Variants in JAKMIP1 observed in about 807,000 individuals in gnomAD.
The protein encoded by JAKMIP1 is janus kinase and microtubule-interacting protein 1.
A neutral mutation model predicts 113.0 loss-of-function variants in JAKMIP1; 33 were observed. The ratio of observed to expected loss-of-function variants is 0.29; its 90% CI spans 0.22 to 0.39. JAKMIP1 has a LOEUF of 0.39. Ranked by LOEUF, JAKMIP1 falls within the 10% of genes least tolerant of loss-of-function variation. The pLI, the probability that JAKMIP1 is intolerant of heterozygous loss-of-function variation, is 1.00. For synonymous variants in JAKMIP1, 480 were observed against 459.9 expected, an observed-to-expected ratio of 1.04 and a Z score of -0.56; for missense variants, 813 against 1,080.5, an observed-to-expected ratio of 0.75 and a Z score of 3.47.
intron 16 of JAKMIP1, among the ~76,000 whole-genome samples, chr4:6,043,760 C>G (rs997455197): frequency 7.2e-5 from 11 of 151,748 alleles, no homozygotes; most frequent in South Asian, 4.2e-4. Context: ...TTCTGCCCCC[C>G]CAGCCAGCAA....
intron 1 of JAKMIP1, among the ~76,000 whole-genome samples, chr4:6,126,467 TACAC>T (rs1717656829): frequency 1.1e-5 from 1 of 95,130 alleles, no homozygotes; most frequent in African/African-American, 4.8e-5. Flanking sequence ...CACATGCACA[TACAC>T]ACACCATGTA....
chr4:6,146,992 C>G (rs879910221), intron 1 of JAKMIP1, among the ~76,000 whole-genome samples: 7 of 152,008 alleles, frequency 4.6e-5, no homozygotes, highest in Non-Finnish European at 7.4e-5. Context: ...GAGTTTTGCT[C>G]TTGTTGCCCA....
At position 6,150,239 on chromosome 4, in the gene JAKMIP1, T is replaced by C. The variant is rs1478186800; in HGVS notation, c.-147-37242A>G. The C allele has an allele frequency of 6.6e-6, 1 of 152,272 alleles. No individual in the cohort carries two copies. The highest frequency in any genetic ancestry group is 1.5e-5 in the Non-Finnish European group (1 of 68,102). The allele number at this position is 152,272 out of a possible 1,614,324, so 9.4% of individuals were successfully genotyped here. ...AGGCCCCATGCTTTGGGCTTATGTA[T>C]ATTAGCTCAGTAATCTTCATAATTC... On this transcript the variant is annotated intron_variant, in intron 1 of 20. Transcript: ENST00000409021. This position sits in a 1 kb window ranked among gnomAD's most constrained non-coding sequence, Gnocchi z 4.8.
At chr4:6,068,964 T>C (rs930868483) in intron 8 of JAKMIP1, among the ~76,000 whole-genome samples, 1 of 152,218 alleles carries the variant, frequency 6.6e-6, no homozygotes, top group African/African-American at 2.4e-5. Flanking sequence ...AAAAGTTGTG[T>C]TGAGTGATTA....
chr4:6,056,640 C>A (rs1716509927), intron 12 of JAKMIP1, 57 bp downstream of exon 12: 2 of 1,363,748 alleles, frequency 1.5e-6, no homozygotes, highest in Middle Eastern at 1.8e-4. Flanking sequence ...TCTGAGCAGG[C>A]CCGCGGGGTC....
intron 1 of JAKMIP1, among the ~76,000 whole-genome samples, chr4:6,117,447 G>A (rs1239267446): frequency 2.6e-5 from 4 of 152,272 alleles, no homozygotes; most frequent in South Asian, 2.1e-4. Flanking sequence ...ACAGACATCA[G>A]GTACTTAACA....
chr4:6,033,102 G>T (rs761605147), intron 19 of JAKMIP1, among the ~76,000 whole-genome samples: 1 of 152,244 alleles, frequency 6.6e-6, no homozygotes, highest in Non-Finnish European at 1.5e-5. Context: ...GAATCATTCC[G>T]CTGGGAAAGG....
At chr4:6,123,892 C>T (rs1487541635) in intron 1 of JAKMIP1, among the ~76,000 whole-genome samples, 2 of 152,158 alleles carry the variant, frequency 1.3e-5, no homozygotes, top group Non-Finnish European at 2.9e-5. Flanking sequence ...CCTCATTTTC[C>T]AATTATAGGA....
At position 6,155,550 on chromosome 4, in the gene JAKMIP1, C is replaced by T. The variant is rs1004852648; in HGVS notation, c.-147-42553G>A. 1.3e-5 allele frequency among the ~76,000 whole-genome samples: 2 copies of T among 152,180 alleles called. No individual in the cohort carries two copies. Among genetic ancestry groups the T allele is most frequent in the African/African-American group, 4.8e-5 (2 of 41,442 alleles). ...GCAAACTCCTAACTGGCTCTGAAAA[C>T]TTCTAAACGCCCAGCGCTGCTACCT... On this transcript the variant is annotated intron_variant, in intron 1 of 20. Coordinates refer to ENST00000409021, the MANE Select transcript of JAKMIP1 (RefSeq NM_001099433.2). This position sits in a 1 kb window ranked among gnomAD's most constrained non-coding sequence, Gnocchi z 6.1.
intron 1 of JAKMIP1, among the ~76,000 whole-genome samples, chr4:6,148,526 G>T (rs899474529): frequency 6.6e-6 from 1 of 152,230 alleles, no homozygotes; most frequent in East Asian, 1.9e-4. Context: ...TGCGCCGGGC[G>T]CATCCTCCTT....
Position 6,141,177 on chromosome 4 carries a change from T to G in JAKMIP1, c.-147-28180A>C, listed in dbSNP as rs919315023. ...GAGGCCGGGCGCAGTGGCTCATGCC[T>G]GTAATCCCAACACTTTGGGATGCTG... On this transcript the variant is annotated intron_variant, in intron 1 of 20. Coordinates refer to ENST00000409021, the MANE Select transcript of JAKMIP1 (RefSeq NM_001099433.2). The surrounding 1 kb of genome is among the most constrained non-coding windows in gnomAD (Gnocchi z 9.4). Among the ~76,000 whole-genome samples, 1 of 152,226 alleles carries G rather than the reference T, an allele frequency of 6.6e-6. No homozygotes were observed. The highest frequency in any genetic ancestry group is 2.4e-5 in the African/African-American group (1 of 41,436).
In JAKMIP1 at chr4:6,088,513, G is replaced by T. The variant is rs1341028318; in HGVS notation, c.625-2884C>A. Among the ~76,000 whole-genome samples, 7 of 152,178 alleles carry T rather than the reference G, an allele frequency of 4.6e-5. No homozygotes were observed. Among genetic ancestry groups the T allele is most frequent in the Admixed American group, 1.3e-4 (2 of 15,276 alleles). On this transcript the variant is annotated intron_variant, in intron 3 of 20. Coordinates refer to ENST00000409021, the MANE Select transcript of JAKMIP1 (RefSeq NM_001099433.2). The surrounding 1 kb of genome is among the most constrained non-coding windows in gnomAD (Gnocchi z 5.5). ...CCTGGAAGAGCACCAATTCCCCCTT[G>T]TCCTAGTAAGTGAGACAGAGGGCTT...
intron 3 of JAKMIP1, among the ~76,000 whole-genome samples, chr4:6,090,834 C>A (rs938350927): frequency 9.2e-5 from 14 of 151,466 alleles, no homozygotes; most frequent in Admixed American, 8.6e-4. Flanking sequence ...TAAACTAGAA[C>A]ATCACTGTCC....
chr4:6,057,419 G>A (rs905945864), intron 11 of JAKMIP1, among the ~76,000 whole-genome samples: 10 of 152,114 alleles, frequency 6.6e-5, no homozygotes, highest in East Asian at 3.9e-4. Flanking sequence ...AGGCTGGGCC[G>A]GGCTCACTGA....
intron 1 of JAKMIP1, among the ~76,000 whole-genome samples, chr4:6,147,922 T>G (rs1721052188): frequency 6.6e-6 from 1 of 152,246 alleles, no homozygotes; most frequent in South Asian, 2.1e-4. Flanking sequence ...CCCCTCTGTA[T>G]GGAGGATGCT....
chr4:6,074,671 G>C (rs1719454130), intron 8 of JAKMIP1, among the ~76,000 whole-genome samples: 1 of 152,120 alleles, frequency 6.6e-6, no homozygotes, highest in Admixed American at 6.5e-5. Flanking sequence ...ACTTTAACTA[G>C]ATTACTTATA....
rs1325173644 is a variant in JAKMIP1, at chr4:6,199,787, T to C, written c.-148+466A>G. Among the ~76,000 whole-genome samples, 1 of 150,874 alleles carries C rather than the reference T, an allele frequency of 6.6e-6. No homozygotes were observed. Among genetic ancestry groups the C allele is most frequent in the African/African-American group, 2.4e-5 (1 of 41,060 alleles). On this transcript the variant is annotated intron_variant, in intron 1 of 20. Transcript: ENST00000409021. The surrounding 1 kb of genome is among the most constrained non-coding windows in gnomAD (Gnocchi z 5.6). Reference sequence around the variant, plus strand: ...CTTCTTTGCCACCTGGGCGGAGATCTGGGGGACTGTGACCTACCCTGCGGA... The same window carrying C: ...CTTCTTTGCCACCTGGGCGGAGATCCGGGGGACTGTGACCTACCCTGCGGA...
In JAKMIP1 at chr4:6,139,055, AAC is replaced by A. The variant is rs71984154; in HGVS notation, c.-147-26060_-147-26059del. ...ATTGTTTGCATGTGACATCATTAGA[AAC>A]ACACACACACACACACACACACACA... On this transcript the variant is annotated intron_variant, in intron 1 of 20. Coordinates refer to ENST00000409021, the MANE Select transcript of JAKMIP1 (RefSeq NM_001099433.2). The surrounding 1 kb of genome is among the most constrained non-coding windows in gnomAD (Gnocchi z 5.2). 0.28 allele frequency among the ~76,000 whole-genome samples: 28,749 copies of A among 103,178 alleles called. 3,073 individuals are homozygous for A. The highest frequency in any genetic ancestry group is 0.39 in the Middle Eastern group (80 of 206). The allele number at this position is 103,178 out of a possible 152,430, so 67.7% of individuals were successfully genotyped here.
chr4:6,151,358 G>A (rs1403474213), intron 1 of JAKMIP1, among the ~76,000 whole-genome samples: 3 of 152,186 alleles, frequency 2.0e-5, no homozygotes, highest in Admixed American at 6.5e-5. Flanking sequence ...GATGAAAGAT[G>A]AGATCAGACT....
Sources: allele counts gnomAD v4.1 joint callset (sites outside exome capture counted in the v4.1 genomes callset), GRCh38; gene constraint gnomAD v4.1.1; non-coding constraint Gnocchi (gnomAD v3.1); transcripts MANE v1.5; gene names NCBI Gene and HGNC (gene_info 2026-07-23, HGNC 2026-07-21).